Variants in LINGO2 observed in about 807,000 individuals in gnomAD.
The protein encoded by LINGO2 is leucine rich repeat and Ig domain containing 2.
In LINGO2, 14 loss-of-function variants were observed where a neutral mutation model predicts 30.6. The ratio of observed to expected loss-of-function variants is 0.46; its 90% CI spans 0.30 to 0.72. The LOEUF (loss-of-function observed/expected upper bound fraction) is 0.72, where lower values mean the gene tolerates loss of function less well. Ranked by LOEUF, LINGO2 falls within the 30% of genes least tolerant of loss-of-function variation. The probability of loss-of-function intolerance (pLI) is 0.07; values close to 1 mark genes in which losing one functional copy is unlikely to be tolerated. For synonymous variants in LINGO2, 317 were observed against 288.5 expected (o/e 1.10, Z -1.00); for missense variants, 729 against 751.7 (o/e 0.97, Z 0.35).
intron 1 of LINGO2, among the ~76,000 whole-genome samples, chr9:28,503,890 C>G (rs1051092981): frequency 7.9e-5 from 12 of 151,718 alleles, no homozygotes; most frequent in Non-Finnish European, 1.5e-4. Context: ...AAAAACCAGA[C>G]AGATTGACCA....
At chr9:27,947,445 G>A (rs1477735033), downstream of LINGO2, among the ~76,000 whole-genome samples, 2 of 151,906 alleles carry the variant, frequency 1.3e-5, no homozygotes, top group African/African-American at 4.8e-5. Context: ...TTTCCTCAGT[G>A]GAGAAAAAAA....
At chr9:28,742,882 G>T in the LINGO2 span, among the ~76,000 whole-genome samples, 1 of 151,622 alleles carries the variant, frequency 6.6e-6, no homozygotes, top group African/African-American at 2.4e-5. Flanking sequence ...ACTTATATTT[G>T]TTATAGGACC....
the LINGO2 span, among the ~76,000 whole-genome samples, chr9:28,714,297 T>G: frequency 1.1e-4 from 16 of 151,826 alleles, no homozygotes; most frequent in Non-Finnish European, 1.9e-4. Context: ...CCATGCACTT[T>G]ATACATTTCA....
intron 4 of LINGO2, among the ~76,000 whole-genome samples, chr9:28,109,404 G>A (rs1234444127): frequency 1.3e-5 from 2 of 152,092 alleles, no homozygotes; most frequent in Non-Finnish European, 2.9e-5. Flanking sequence ...GGACAATCAG[G>A]CAATAGAATG....
intron 4 of LINGO2, among the ~76,000 whole-genome samples, chr9:28,062,698 TATAC>T (rs1825193312): frequency 1.0e-4 from 5 of 48,772 alleles, no homozygotes; most frequent in African/African-American, 1.5e-4. Context: ...TGTATATATA[TATAC>T]AAAATTTCTA....
At chr9:28,475,833 G>A (rs976163933) in intron 2 of LINGO2, 107 bp downstream of exon 4, 2 of 152,424 alleles carry the variant, frequency 1.3e-5, no homozygotes, top group African/African-American at 2.4e-5. Flanking sequence ...CATTTCACAG[G>A]GTACATTTTA....
At chr9:28,309,384 A>T (rs974203519) in intron 3 of LINGO2, among the ~76,000 whole-genome samples, 4 of 150,844 alleles carry the variant, frequency 2.7e-5, no homozygotes, top group Non-Finnish European at 5.9e-5. Flanking sequence ...TTGAACAATG[A>T]GAACACATGG....
chr9:28,572,242 A>G (rs1160403370), intron 1 of LINGO2, among the ~76,000 whole-genome samples: 1 of 152,076 alleles, frequency 6.6e-6, no homozygotes, highest in Non-Finnish European at 1.5e-5. Flanking sequence ...TATAACACAA[A>G]TGACTTAACA....
At chr9:28,389,552 C>G (rs1185180740) in intron 2 of LINGO2, among the ~76,000 whole-genome samples, 1 of 152,176 alleles carries the variant, frequency 6.6e-6, no homozygotes, top group East Asian at 1.9e-4. Flanking sequence ...TACCCAAGAT[C>G]TCTAGACGTC....
At chr9:28,986,061 A>G in the LINGO2 span, among the ~76,000 whole-genome samples, 1 of 151,776 alleles carries the variant, frequency 6.6e-6, no homozygotes, top group Non-Finnish European at 1.5e-5. Context: ...GTCCACTTTC[A>G]TTTTTCTGCA....
At chr9:28,508,762 C>A (rs1048862375) in intron 1 of LINGO2, among the ~76,000 whole-genome samples, 4 of 151,578 alleles carry the variant, frequency 2.6e-5, no homozygotes, top group African/African-American at 9.7e-5. Context: ...GAAGAAAACT[C>A]TATTTGTAGA....
intron 2 of LINGO2, among the ~76,000 whole-genome samples, chr9:28,466,121 C>T (rs1413886047): frequency 6.6e-6 from 1 of 151,986 alleles, no homozygotes; most frequent in Admixed American, 6.5e-5. Flanking sequence ...GGTAGATACT[C>T]CCCCAAAAAA....
At chr9:28,565,249 G>A (rs1176559268) in intron 1 of LINGO2, among the ~76,000 whole-genome samples, 1 of 151,800 alleles carries the variant, frequency 6.6e-6, no homozygotes, top group Admixed American at 6.6e-5. Flanking sequence ...GTGCAGTGGC[G>A]CCATCTCAGC....
chr9:28,311,147 C>T (rs1048585867), intron 3 of LINGO2, among the ~76,000 whole-genome samples: 1 of 151,804 alleles, frequency 6.6e-6, no homozygotes, highest in African/African-American at 2.4e-5. Context: ...TCTGTGATGC[C>T]CCCCGAGCCA....
the LINGO2 span, among the ~76,000 whole-genome samples, chr9:28,944,347 C>T: frequency 2.6e-5 from 3 of 117,178 alleles, no homozygotes; most frequent in Non-Finnish European, 5.5e-5. Context: ...GCTGGACATA[C>T]CTCTATCTCT....
At chr9:28,458,530 T>C (rs1824944002) in intron 2 of LINGO2, among the ~76,000 whole-genome samples, 1 of 152,194 alleles carries the variant, frequency 6.6e-6, no homozygotes, top group Admixed American at 6.6e-5. Flanking sequence ...TCTTTTTCTT[T>C]TCTTTTTTGC....
At chr9:28,001,676 C>A (rs554435191) in intron 5 of LINGO2, among the ~76,000 whole-genome samples, 1 of 150,410 alleles carries the variant, frequency 6.6e-6, no homozygotes, top group South Asian at 2.1e-4. Flanking sequence ...TTATTTAAAG[C>A]AGAGAAGAGA....
At chr9:28,452,016 G>T (rs753611441) in intron 2 of LINGO2, among the ~76,000 whole-genome samples, 1 of 151,606 alleles carries the variant, frequency 6.6e-6, no homozygotes, top group Admixed American at 6.6e-5. Context: ...GAAATAGGTA[G>T]AGTACACTAA....
chr9:28,557,481 A>G (rs1822784050), intron 1 of LINGO2, among the ~76,000 whole-genome samples: 2 of 152,098 alleles, frequency 1.3e-5, no homozygotes, highest in South Asian at 4.1e-4. Context: ...GGCGATCATT[A>G]AAAAGTCAGA....
Sources: gnomAD v4.1 joint callset for allele counts (sites outside exome capture counted in the v4.1 genomes callset) on GRCh38, gnomAD v4.1.1 for gene constraint, MANE v1.5 for transcripts, NCBI Gene and HGNC (gene_info 2026-07-23, HGNC 2026-07-21) for gene names.